C2orf74: variants seen among roughly 807,000 people sequenced by gnomAD.
C2orf74 encodes uncharacterized protein C2orf74.
Under a neutral mutation model 17.9 loss-of-function variants are expected in C2orf74, and 14 were observed. The ratio of observed to expected loss-of-function variants is 0.78; its 90% CI spans 0.52 to 1.22. The LOEUF (loss-of-function observed/expected upper bound fraction) is 1.22. Ranked by LOEUF, C2orf74 falls within the 50% of genes most tolerant of loss-of-function variation. The pLI, the probability that C2orf74 is intolerant of heterozygous loss-of-function variation, is 0.00. For missense variants in C2orf74, 217 were observed against 218.4 expected, an observed-to-expected ratio of 0.99 and a Z score of 0.04; for synonymous variants, 79 against 72.6, an observed-to-expected ratio of 1.09 and a Z score of -0.44.
At chr2:61,148,172 T>TAA (rs1056544479) in intron 1 of C2orf74, among the ~76,000 whole-genome samples, 4 of 147,918 alleles carry the variant, frequency 2.7e-5, no homozygotes, top group African/African-American at 9.8e-5. Flanking sequence ...ATTATATATA[T>TAA]AATATATAAA....
chr2:61,153,993 C>T (rs985213070), intron 1 of C2orf74, among the ~76,000 whole-genome samples: 2 of 152,112 alleles, frequency 1.3e-5, no homozygotes, highest in Non-Finnish European at 2.9e-5. Flanking sequence ...AATCCCAGCA[C>T]TTTAAGAGGC....
chr2:61,148,941 G>T (rs935401310), intron 1 of C2orf74, among the ~76,000 whole-genome samples: 11 of 152,124 alleles, frequency 7.2e-5, no homozygotes, highest in Admixed American at 7.2e-4. Context: ...TGCCTGTGTC[G>T]GGGCAGGAGG....
chr2:61,147,285 C>G (rs1028484660), intron 1 of C2orf74, among the ~76,000 whole-genome samples: 3 of 151,538 alleles, frequency 2.0e-5, no homozygotes, highest in African/African-American at 7.3e-5. Flanking sequence ...CATCACAACT[C>G]ACTGCCCAGG....
At chr2:61,145,880 G>C (rs371650571) in intron 1 of C2orf74, among the ~76,000 whole-genome samples, 20 of 152,310 alleles carry the variant, frequency 1.3e-4, no homozygotes, top group South Asian at 6.2e-4. Flanking sequence ...ATCATGATTG[G>C]TGAACATTGA....
upstream of C2orf74, chr2:61,161,733 C>T (rs1417760093): frequency 2.6e-5 from 4 of 152,460 alleles, no homozygotes; most frequent in Admixed American, 2.6e-4. Context: ...ATGCCAGCTC[C>T]ATAGAATGAC....
At chr2:61,149,737 CCTGA>C (rs1685172382) in intron 1 of C2orf74, among the ~76,000 whole-genome samples, 1 of 151,948 alleles carries the variant, frequency 6.6e-6, no homozygotes. Context: ...CACCACCACG[CCTGA>C]CTAATTTTGT....
chr2:61,162,612 A>G lies in C2orf74; in HGVS notation c.95+3A>G, dbSNP rs1347463535. On this transcript the variant is annotated splice_donor_region_variant and intron_variant, in intron 2 of 4. Coordinates refer to ENST00000432605, the MANE Select transcript of C2orf74 (RefSeq NM_001143959.4). ...TTGGTGGTTTTTTTATATAAATGGT[A>G]TAAATCCATGCTGATAATTGGGATC... is the stretch of plus-strand genomic sequence containing the variant. 4 of 1,480,470 alleles carry G rather than the reference A, an allele frequency of 2.7e-6. No individual in the cohort carries two copies. The highest frequency in any genetic ancestry group is 2.8e-5 in the African/African-American group (2 of 71,552). The allele number at this position is 1,480,470 out of a possible 1,614,324, so 91.7% of individuals were successfully genotyped here. A position where few individuals can be genotyped will look rare whatever the true frequency, so the allele number is the denominator to read the frequency against.
chr2:61,164,567 T>TTC lies in C2orf74; in HGVS notation c.*40_*41insTC. ...TAAGAGTGAAAGAAAATGTAACGTTTGACTAACGTTGAAAGACTGAGGGTA... is the reference window on the plus strand; with the variant it reads ...TAAGAGTGAAAGAAAATGTAACGTTTTCGACTAACGTTGAAAGACTGAGGGTA... On this transcript the variant is annotated 3_prime_UTR_variant, in exon 5 of 5. Coordinates refer to ENST00000432605, the MANE Select transcript of C2orf74 (RefSeq NM_001143959.4). 7.1e-7 allele frequency: 1 copy of TTC among 1,409,610 alleles called. No individual in the cohort carries two copies. Among genetic ancestry groups the TTC allele is most frequent in the Non-Finnish European group, 9.4e-7 (1 of 1,064,400 alleles). 87.3% of individuals were successfully genotyped at this position (1,409,610 alleles called of 1,614,324 possible).
chr2:61,146,590 T>C lies in C2orf74; in HGVS notation c.-122+1394T>C, dbSNP rs561562021. Among the ~76,000 whole-genome samples the C allele has an allele frequency of 1.2e-4, 19 of 152,220 alleles. No individual in the cohort carries two copies. The East Asian group carries it at 3.1e-3, about 25-fold the overall frequency. ...GTGGCTCATGCTTGTAATCCCAGCA[T>C]TTTGGGAGGCCGAGACGGGCAGATC... On this transcript the variant is annotated intron_variant, in intron 1 of 3. Coordinates refer to the C2orf74 transcript ENST00000426997.
intron 1 of C2orf74, among the ~76,000 whole-genome samples, chr2:61,146,695 G>C (rs1685078632): frequency 6.6e-6 from 1 of 152,150 alleles, no homozygotes; most frequent in South Asian, 2.1e-4. Context: ...TTAGACTGGC[G>C]TGGTGGCGCA....
intron 1 of C2orf74, among the ~76,000 whole-genome samples, chr2:61,149,574 C>CTTTTT (rs70959895): frequency 2.2e-3 from 177 of 79,888 alleles, no homozygotes; most frequent in East Asian, 3.3e-3. Flanking sequence ...GGGCGCCTTT[C>CTTTTT]TTTTTTTTTT....
At chr2:61,146,920 C>T (rs903051625) in intron 1 of C2orf74, among the ~76,000 whole-genome samples, 1 of 151,754 alleles carries the variant, frequency 6.6e-6, no homozygotes, top group African/African-American at 2.4e-5. Context: ...AAGACTGAGA[C>T]AGGAGGATTG....
At chr2:61,145,292 T>C (rs1363619484) in intron 1 of C2orf74, 1 of 152,234 alleles carries the variant, frequency 6.6e-6, no homozygotes, top group Non-Finnish European at 1.5e-5. Flanking sequence ...TTAAAATATC[T>C]AAGAATTAAC....
At chr2:61,155,352 A>G (rs1377784113) in intron 1 of C2orf74, among the ~76,000 whole-genome samples, 3 of 152,142 alleles carry the variant, frequency 2.0e-5, no homozygotes, top group South Asian at 2.1e-4. Flanking sequence ...CTCATCACCA[A>G]TGAATTTTTA....
At chr2:61,159,111 C>G (rs894993005), upstream of C2orf74, among the ~76,000 whole-genome samples, 1 of 152,052 alleles carries the variant, frequency 6.6e-6, no homozygotes, top group African/African-American at 2.4e-5. Flanking sequence ...GTTCTCCTGC[C>G]TCAGCCTCCC....
At chr2:61,163,753 C>G (rs1422076098) in intron 4 of C2orf74, among the ~76,000 whole-genome samples, 1 of 151,966 alleles carries the variant, frequency 6.6e-6, no homozygotes, top group Non-Finnish European at 1.5e-5. Flanking sequence ...TTACATATGC[C>G]AAGTCTAGAA....
At chr2:61,145,945 T>TA (rs891366283) in intron 1 of C2orf74, among the ~76,000 whole-genome samples, 57 of 152,220 alleles carry the variant, frequency 3.7e-4, no homozygotes, top group African/African-American at 1.2e-3. Context: ...GGTGCAGTGT[T>TA]ACAGTGCTAG....
upstream of C2orf74, chr2:61,157,903 T>A (rs764958514): frequency 1.9e-5 from 9 of 471,100 alleles, no homozygotes; most frequent in Middle Eastern, 3.3e-4. Flanking sequence ...AGGGAGGTGG[T>A]TGGGGATTCA....
At chr2:61,148,694 C>A (rs879696018) in intron 1 of C2orf74, among the ~76,000 whole-genome samples, 14 of 151,904 alleles carry the variant, frequency 9.2e-5, no homozygotes, top group Non-Finnish European at 1.6e-4. Context: ...AGTACATGTC[C>A]TTTGTATATG....
Sources: allele counts gnomAD v4.1 joint callset (sites outside exome capture counted in the v4.1 genomes callset), GRCh38; gene constraint gnomAD v4.1.1; transcripts MANE v1.5; gene names NCBI Gene and HGNC (gene_info 2026-07-23, HGNC 2026-07-21).